Variants in FRK observed in about 807,000 individuals in gnomAD.
The protein encoded by FRK is tyrosine-protein kinase FRK.
FRK carries 51 observed loss-of-function variants against 56.4 expected under a neutral mutation model. The ratio of observed to expected loss-of-function variants is 0.90; its 90% confidence interval spans 0.72 to 1.14. The LOEUF (loss-of-function observed/expected upper bound fraction) is 1.14. FRK is among the 50% of genes most tolerant of loss of function. The pLI, the probability that FRK is intolerant of heterozygous loss-of-function variation, is 0.00. For missense variants in FRK, 570 were observed against 601.4 expected (o/e 0.95, Z 0.55); for synonymous variants, 245 against 217.9 (o/e 1.12, Z -1.10).
intron 2 of FRK, among the ~76,000 whole-genome samples, chr6:115,985,362 C>A (rs971464858): frequency 1.3e-5 from 2 of 152,072 alleles, no homozygotes; most frequent in South Asian, 4.1e-4. Context: ...GCGGTGAGGG[C>A]AAAACACTGC....
At chr6:116,070,636 A>G in the FRK span, among the ~76,000 whole-genome samples, 1 of 152,192 alleles carries the variant, frequency 6.6e-6, no homozygotes, top group Non-Finnish European at 1.5e-5. Context: ...ATATCCAATC[A>G]GTATTTTCCA....
In FRK at chr6:116,003,987, C is replaced by G. The variant is rs142770112; in HGVS notation, c.356G>C (p.Gly119Ala). 4.1e-4 allele frequency: 657 copies of G among 1,611,758 alleles called. 6 individuals carry two copies. The highest frequency in any genetic ancestry group is 3.3e-4 in the Middle Eastern group (2 of 6,070). Residue 119 changes from glycine (G) to alanine (A), a missense_variant, in exon 2 of 8, where the codon GGA becomes GCA. Gly to Ala is a moderately conservative substitution (Grantham distance 60, BLOSUM62 0). Coordinates refer to ENST00000606080, the MANE Select transcript of FRK (RefSeq NM_002031.3). The part of the protein sequence containing the change: ...RSLQAEPWFF[G>A]AIGRSDAEKQ... The stretch of plus-strand genomic sequence containing the variant: ...CTCTGCATCTGATCTTCCGATTGCT[C>G]CAAAGAACCACCTAAAAAGAGAGAT...
chr6:115,960,473 C>T (rs1203060622), intron 4 of FRK, among the ~76,000 whole-genome samples: 2 of 150,288 alleles, frequency 1.3e-5, no homozygotes, highest in African/African-American at 4.9e-5. Context: ...GGGGGAAGGG[C>T]GCCCGCCATT....
chr6:115,940,602 G>C lies in FRK; in HGVS notation c.*1812C>G, dbSNP rs1457107688. On this transcript the variant is annotated 3_prime_UTR_variant, in exon 8 of 8. Coordinates refer to ENST00000606080, the MANE Select transcript of FRK (RefSeq NM_002031.3). ...CCATCTGACAAAGGGCTAATACCAA[G>C]AATCTACAAGGAACATAAACAAATT... The C allele has an allele frequency of 6.6e-6, 1 of 152,014 alleles. No homozygotes were observed. Among genetic ancestry groups the C allele is most frequent in the Non-Finnish European group, 1.5e-5 (1 of 68,026 alleles). The allele number at this position is 152,014 out of a possible 1,614,324, so 9.4% of individuals were successfully genotyped here.
At chr6:115,947,317 AGTGTGTGTGTGTGTGTGTGT>A (rs10577529) in intron 5 of FRK, among the ~76,000 whole-genome samples, 1 of 149,790 alleles carries the variant, frequency 6.7e-6, no homozygotes, top group Non-Finnish European at 1.5e-5. Flanking sequence ...AGACTTAAAC[AGTGTGTGTGTGTGTGTGTGT>A]GTGTGTGTGT....
In FRK at chr6:115,973,835, C is replaced by A. The variant is rs576231070; in HGVS notation, c.467-5096G>T. Among the ~76,000 whole-genome samples, 21 of 147,522 alleles carry A rather than the reference C, an allele frequency of 1.4e-4. No individual in the cohort carries two copies. In the South Asian group the frequency reaches 4.3e-3, roughly 30 times the overall value. ...GCAGTGAGCCAAGATTGTGCCACTG[C>A]AATTCAGCCTGGGCAACAGAGCGAG... On this transcript the variant is annotated intron_variant, in intron 2 of 7. Transcript: ENST00000606080.
At chr6:116,059,579 C>A (rs565567480) in intron 1 of FRK, among the ~76,000 whole-genome samples, 34 of 152,150 alleles carry the variant, frequency 2.2e-4, no homozygotes, top group African/African-American at 8.2e-4. Flanking sequence ...AAAAAAGAAT[C>A]TGAAGTTTAG....
the FRK span, among the ~76,000 whole-genome samples, chr6:116,089,045 A>G: frequency 1.3e-5 from 2 of 152,328 alleles, no homozygotes; most frequent in East Asian, 3.9e-4. Context: ...CAAAAGAGGA[A>G]AGGACAGACA....
chr6:116,096,109 T>C, the FRK span, among the ~76,000 whole-genome samples: 2 of 152,206 alleles, frequency 1.3e-5, no homozygotes, highest in African/African-American at 2.4e-5. Context: ...GTCTTACAAA[T>C]GGAACCACAA....
At chr6:116,065,945 T>A in the FRK span, among the ~76,000 whole-genome samples, 4 of 152,342 alleles carry the variant, frequency 2.6e-5, no homozygotes, top group African/African-American at 9.6e-5. Flanking sequence ...TGAAGACAAG[T>A]TTATGTCTTA....
intron 1 of FRK, among the ~76,000 whole-genome samples, chr6:116,046,696 G>A (rs759309300): frequency 6.6e-6 from 1 of 151,878 alleles, no homozygotes; most frequent in Non-Finnish European, 1.5e-5. Context: ...TGGGTTAATG[G>A]GTGCAGCAAA....
Position 115,931,194 on chromosome 6 carries a change from G to C in FRK, c.*11220C>G, listed in dbSNP as rs186023424. 1.3e-5 allele frequency: 2 copies of C among 152,070 alleles called. No individual in the cohort carries two copies. Among genetic ancestry groups the C allele is most frequent in the East Asian group, 3.9e-4 (2 of 5,190 alleles). The allele number at this position is 152,070 out of a possible 1,614,324, so 9.4% of individuals were successfully genotyped here. A position where few individuals can be genotyped will look rare whatever the true frequency, so the allele number is the denominator to read the frequency against. ...TATATTTTAGATCCACAATCAACTT[G>C]ACTTCTGAAACAGTTGACTTTTAAA... On this transcript the variant is annotated 3_prime_UTR_variant, in exon 8 of 8. Transcript: ENST00000606080.
chr6:116,030,553 G>A (rs1776268135), intron 1 of FRK, among the ~76,000 whole-genome samples: 1 of 152,038 alleles, frequency 6.6e-6, no homozygotes, highest in African/African-American at 2.4e-5. Flanking sequence ...CAAGCCATGA[G>A]GAGGGAAGAG....
chr6:115,951,648 A>T (rs757654795), intron 5 of FRK, among the ~76,000 whole-genome samples: 1 of 152,248 alleles, frequency 6.6e-6, no homozygotes, highest in Non-Finnish European at 1.5e-5. Context: ...AAAAAAGGTT[A>T]TATAGAAAAA....
intron 1 of FRK, among the ~76,000 whole-genome samples, chr6:116,059,258 C>A (rs758611846): frequency 3.2e-4 from 49 of 152,234 alleles, no homozygotes; most frequent in South Asian, 6.2e-4. Flanking sequence ...CATTCAAATA[C>A]CAGGATAAAG....
At chr6:116,010,729 C>T (rs1562284417) in intron 1 of FRK, among the ~76,000 whole-genome samples, 1 of 152,134 alleles carries the variant, frequency 6.6e-6, no homozygotes, top group Admixed American at 6.5e-5. Flanking sequence ...TTCCTTATAG[C>T]CTTGTTTCAA....
the FRK span, among the ~76,000 whole-genome samples, chr6:116,066,940 C>T: frequency 6.6e-6 from 1 of 152,150 alleles, no homozygotes; most frequent in Non-Finnish European, 1.5e-5. Flanking sequence ...TGAATTGTGT[C>T]CTCCAAAAGG....
chr6:116,039,141 A>C, intron 1 of FRK: 98 of 886,718 alleles, frequency 1.1e-4, no homozygotes, highest in Non-Finnish European at 1.7e-4. Context: ...ACTGGGGAGA[A>C]GCTAGCTGAA....
chr6:116,087,653 G>C, the FRK span, among the ~76,000 whole-genome samples: 2 of 152,240 alleles, frequency 1.3e-5, no homozygotes, highest in Non-Finnish European at 2.9e-5. Context: ...GAAGGAACAG[G>C]GGGTTAGAGA....
Sources: gnomAD v4.1 joint callset for allele counts (sites outside exome capture counted in the v4.1 genomes callset) on GRCh38, gnomAD v4.1.1 for gene constraint, MANE v1.5 for transcripts, NCBI Gene and HGNC (gene_info 2026-07-23, HGNC 2026-07-21) for gene names.